CATSPERT: variants seen among roughly 807,000 people sequenced by gnomAD.
CATSPERT encodes the protein catsper channel auxiliary subunit tau, also known as cation channel sperm-associated targeting subunit tau.
chr2:201,591,607 C>G, the CATSPERT span, among the ~76,000 whole-genome samples: 2 of 152,122 alleles, frequency 1.3e-5, no homozygotes, highest in Non-Finnish European at 2.9e-5. Flanking sequence ...TTGATTCTTC[C>G]TACCCATGAG....
chr2:201,498,410 G>A, the CATSPERT span, among the ~76,000 whole-genome samples: 3 of 152,142 alleles, frequency 2.0e-5, no homozygotes, highest in African/African-American at 7.2e-5. Flanking sequence ...GGCAAGGGAA[G>A]AGGGAGTGAG....
chr2:201,595,921 AAAAACAG>A, the CATSPERT span, among the ~76,000 whole-genome samples: 3 of 5,172 alleles, frequency 5.8e-4, no homozygotes, highest in African/African-American at 4.7e-4. Context: ...AAAAAAAAAA[AAAAACAG>A]ATGCTGACGA....
the CATSPERT span, among the ~76,000 whole-genome samples, chr2:201,603,907 A>G: frequency 6.6e-6 from 1 of 152,236 alleles, no homozygotes; most frequent in African/African-American, 2.4e-5. Context: ...GAAATATTAT[A>G]TTAAACATTG....
At chr2:201,492,386 C>G in the CATSPERT span, 6 of 1,534,134 alleles carry the variant, frequency 3.9e-6, no homozygotes, top group Non-Finnish European at 5.2e-6. Context: ...CTTAAATCAG[C>G]TTTTAGATGT....
chr2:201,504,646 G>A, the CATSPERT span, among the ~76,000 whole-genome samples: 6 of 152,180 alleles, frequency 3.9e-5, no homozygotes, highest in South Asian at 2.1e-4. Context: ...AGGGACTGAC[G>A]GACTGCCCTC....
the CATSPERT span, chr2:201,565,908 T>C: frequency 6.5e-7 from 1 of 1,544,676 alleles, no homozygotes. Context: ...ATTGAAATTA[T>C]ACAAAAGTCC....
At chr2:201,504,727 G>A in the CATSPERT span, among the ~76,000 whole-genome samples, 1 of 152,104 alleles carries the variant, frequency 6.6e-6, no homozygotes, top group African/African-American at 2.4e-5. Context: ...CTATTGTGGT[G>A]GTATGCAAAA....
At chr2:201,547,245 T>C in the CATSPERT span, among the ~76,000 whole-genome samples, 1 of 152,154 alleles carries the variant, frequency 6.6e-6, no homozygotes, top group African/African-American at 2.4e-5. Context: ...TAAATGCCAC[T>C]GAGTTCTATA....
chr2:201,494,209 A>G, the CATSPERT span: 2 of 1,535,660 alleles, frequency 1.3e-6, no homozygotes, highest in Non-Finnish European at 1.7e-6. Flanking sequence ...ATGAATGCTT[A>G]GAAGTGGAGA....
At chr2:201,528,709 T>G in the CATSPERT span, among the ~76,000 whole-genome samples, 1 of 152,090 alleles carries the variant, frequency 6.6e-6, no homozygotes, top group Non-Finnish European at 1.5e-5. Context: ...AGCTAAACAT[T>G]GAATACACAT....
At chr2:201,490,848 C>T in the CATSPERT span, among the ~76,000 whole-genome samples, 5 of 152,080 alleles carry the variant, frequency 3.3e-5, no homozygotes, top group East Asian at 1.9e-4. Flanking sequence ...CTCAGCCTCC[C>T]GAGTAGCTGG....
At chr2:201,603,286 C>T in the CATSPERT span, 1 of 1,607,500 alleles carries the variant, frequency 6.2e-7, no homozygotes, top group Non-Finnish European at 8.5e-7. Flanking sequence ...CTACAACAAT[C>T]AAAACAAAAA....
At chr2:201,495,821 C>T in the CATSPERT span, 1 of 948,368 alleles carries the variant, frequency 1.1e-6, no homozygotes, top group Non-Finnish European at 1.5e-6. Context: ...CTTTTTAGAA[C>T]TATTGAATTA....
At chr2:201,608,980 G>C in the CATSPERT span, among the ~76,000 whole-genome samples, 3 of 151,434 alleles carry the variant, frequency 2.0e-5, no homozygotes, top group Non-Finnish European at 4.4e-5. Context: ...TGAAAGTAAA[G>C]GGATAGAAAA....
At chr2:201,523,253 T>C in the CATSPERT span, among the ~76,000 whole-genome samples, 1 of 152,160 alleles carries the variant, frequency 6.6e-6, no homozygotes, top group Non-Finnish European at 1.5e-5. Context: ...CATTGGAGTA[T>C]TGTTTCCCAA....
At chr2:201,493,941 A>C in the CATSPERT span, 1 of 1,537,082 alleles carries the variant, frequency 6.5e-7, no homozygotes. Context: ...AATCTGCAGG[A>C]ATATTTTTAA....
At chr2:201,613,050 G>T in the CATSPERT span, among the ~76,000 whole-genome samples, 1 of 152,228 alleles carries the variant, frequency 6.6e-6, no homozygotes, top group Non-Finnish European at 1.5e-5. Context: ...CAAAGCAGCT[G>T]GGAAGCTCAA....
chr2:201,600,314 T>C, the CATSPERT span, among the ~76,000 whole-genome samples: 2 of 152,166 alleles, frequency 1.3e-5, no homozygotes, highest in Non-Finnish European at 1.5e-5. Context: ...GAAACCATCA[T>C]TCTTAGCAAA....
At chr2:201,522,370 A>C in the CATSPERT span, among the ~76,000 whole-genome samples, 1 of 152,140 alleles carries the variant, frequency 6.6e-6, no homozygotes, top group African/African-American at 2.4e-5. Context: ...CCAACTAGAC[A>C]CAGCCAGGAA....
Sources: allele counts gnomAD v4.1 joint callset (sites outside exome capture counted in the v4.1 genomes callset), GRCh38; gene constraint gnomAD v4.1.1; transcripts MANE v1.5; gene names NCBI Gene and HGNC (gene_info 2026-07-23, HGNC 2026-07-21).